Variants in UNC13C observed in about 807,000 individuals in gnomAD.
UNC13C encodes unc-13 homolog C.
A neutral mutation model predicts 245.4 loss-of-function variants in UNC13C; 174 were observed. The observed-to-expected ratio is 0.71, with a 90% confidence interval of 0.63 to 0.80. UNC13C has a LOEUF of 0.80. Among genes scored for constraint, UNC13C ranks in the 30% least tolerant of loss-of-function variants. The pLI is 0.00. For missense variants in UNC13C, 2,829 were observed against 2,602.9 expected (o/e 1.09, Z -1.89); for synonymous variants, 992 against 895.1 (o/e 1.11, Z -1.93).
chr15:54,380,701 C>T (rs2039705336), intron 17 of UNC13C, among the ~76,000 whole-genome samples: 1 of 152,104 alleles, frequency 6.6e-6, no homozygotes, highest in African/African-American at 2.4e-5. Context: ...TTGCATTTCC[C>T]TGATAATAAA....
At chr15:54,302,656 G>C (rs1035773128) in intron 13 of UNC13C, among the ~76,000 whole-genome samples, 13 of 152,144 alleles carry the variant, frequency 8.5e-5, no homozygotes, top group Non-Finnish European at 1.6e-4. Context: ...CTCTATATCT[G>C]TGTTGGTACC....
chr15:54,059,429 G>T (rs534530178), intron 2 of UNC13C, among the ~76,000 whole-genome samples: 1 of 152,186 alleles, frequency 6.6e-6, no homozygotes, highest in Admixed American at 6.5e-5. Context: ...ACCTCTTCAA[G>T]GAGAACTACA....
intron 2 of UNC13C, among the ~76,000 whole-genome samples, chr15:54,047,062 G>T (rs779821507): frequency 2.6e-5 from 4 of 151,770 alleles, no homozygotes; most frequent in Admixed American, 2.0e-4. Flanking sequence ...TTTTCTAAGC[G>T]GTATTTATTT....
At chr15:54,068,729 A>G (rs1406583240) in intron 2 of UNC13C, among the ~76,000 whole-genome samples, 2 of 152,196 alleles carry the variant, frequency 1.3e-5, no homozygotes, top group Non-Finnish European at 2.9e-5. Flanking sequence ...AAGCTGCACA[A>G]TACCATGGAT....
At chr15:54,412,908 G>T (rs754930420) in intron 18 of UNC13C, among the ~76,000 whole-genome samples, 3 of 152,180 alleles carry the variant, frequency 2.0e-5, no homozygotes, top group Non-Finnish European at 4.4e-5. Context: ...TTTAGCAGTA[G>T]GGTTTTGTAG....
the UNC13C span, among the ~76,000 whole-genome samples, chr15:53,839,332 T>TA: frequency 6.6e-6 from 1 of 152,222 alleles, no homozygotes; most frequent in East Asian, 1.9e-4. Context: ...ACTTCACAGT[T>TA]ACGTGTCTCT....
intron 2 of UNC13C, among the ~76,000 whole-genome samples, chr15:54,142,349 C>T (rs1288226757): frequency 1.3e-5 from 2 of 152,162 alleles, no homozygotes; most frequent in Admixed American, 6.6e-5. Context: ...TAAAGAGCAC[C>T]AGATGGGAGA....
chr15:54,466,411 G>A (rs762163378), intron 19 of UNC13C, among the ~76,000 whole-genome samples: 2 of 151,912 alleles, frequency 1.3e-5, no homozygotes, highest in African/African-American at 2.4e-5. Flanking sequence ...CACATAGTAT[G>A]CATGTATGAA....
intron 30 of UNC13C, among the ~76,000 whole-genome samples, chr15:54,584,695 C>G (rs1257466549): frequency 6.6e-6 from 1 of 152,232 alleles, no homozygotes; most frequent in Non-Finnish European, 1.5e-5. Flanking sequence ...TCTTCGTATT[C>G]ACTAAGAAAA....
rs1054611047 is a variant in UNC13C at position 54,003,677 on chromosome 15, C to T, written c.-256-8971C>T. Among the ~76,000 whole-genome samples, 3 of 152,204 alleles carry T rather than the reference C, an allele frequency of 2.0e-5. No individual in the cohort carries two copies. In the South Asian group the frequency reaches 6.2e-4, roughly 32 times the overall value. Reference sequence around the variant, plus strand: ...TTTATCCTTAGTATTACAAACAATCCAGTTATACTCATTTAGTATTTTAAA... The same window carrying T: ...TTTATCCTTAGTATTACAAACAATCTAGTTATACTCATTTAGTATTTTAAA... On this transcript the variant is annotated intron_variant, in intron 1 of 32. Coordinates refer to ENST00000260323, the MANE Select transcript of UNC13C (RefSeq NM_001080534.3).
At chr15:54,386,906 G>A (rs1216995746) in intron 17 of UNC13C, among the ~76,000 whole-genome samples, 6 of 152,142 alleles carry the variant, frequency 3.9e-5, no homozygotes, top group African/African-American at 1.4e-4. Context: ...TCTTGAGCTA[G>A]GGGAAGAGGA....
chr15:54,015,023 A>T lies in UNC13C; in HGVS notation c.2120A>T (p.Asp707Val). The T allele has an allele frequency of 6.2e-7, 1 of 1,613,458 alleles. No homozygotes were observed. Among genetic ancestry groups the T allele is most frequent in the Non-Finnish European group, 8.5e-7 (1 of 1,179,724 alleles). The stretch of plus-strand genomic sequence containing the variant: ...GGAAAGTGCCACAGTGATCTTCAAG[A>T]TGACTCAGAGAGCTACGACTTAACT... ...YLGKCHSDLQ[D>V]DSESYDLTQD... is the part of the protein sequence containing the mutation. The change falls in exon 2 of 33, where the codon GAT (aspartate) becomes GTT (valine). Residue 707 changes from aspartate (D) to valine (V), a missense_variant. Asp to Val is a radical substitution (Grantham distance 152). Transcript: ENST00000260323.
chr15:54,143,716 C>T (rs1214996425), intron 4 of UNC13C, 32 bp downstream of exon 4: 1 of 1,564,652 alleles, frequency 6.4e-7, no homozygotes, highest in Admixed American at 1.7e-5. Flanking sequence ...TAATTTATTC[C>T]ATTCATAGAT....
At chr15:54,036,324 G>C (rs1196307770) in intron 2 of UNC13C, among the ~76,000 whole-genome samples, 2 of 152,186 alleles carry the variant, frequency 1.3e-5, no homozygotes, top group East Asian at 3.9e-4. Flanking sequence ...TCATTCTGTA[G>C]TGCCCAGGGC....
intron 23 of UNC13C, among the ~76,000 whole-genome samples, chr15:54,509,228 C>A (rs904362878): frequency 6.6e-6 from 1 of 151,978 alleles, no homozygotes; most frequent in African/African-American, 2.4e-5. Flanking sequence ...AAAGATATGA[C>A]CAAAACATTT....
intron 2 of UNC13C, among the ~76,000 whole-genome samples, chr15:54,124,295 C>G (rs1416440432): frequency 6.6e-6 from 1 of 152,198 alleles, no homozygotes; most frequent in Non-Finnish European, 1.5e-5. Context: ...AGCATCCTCT[C>G]CACCATTTGG....
At position 54,418,195 on chromosome 15, in the gene UNC13C, A is replaced by G. The variant is rs548413118; in HGVS notation, c.4933+3128A>G. ...AATCCTTACCCAAAGGCTTTCTAATATATAACAATCTATTTTACATTAGCA... is the reference window on the plus strand; with the variant it reads ...AATCCTTACCCAAAGGCTTTCTAATGTATAACAATCTATTTTACATTAGCA... On this transcript the variant is annotated intron_variant, in intron 19 of 32. Transcript: ENST00000260323. Among the ~76,000 whole-genome samples the G allele has an allele frequency of 6.6e-5, 10 of 152,294 alleles. No individual in the cohort carries two copies. The East Asian group carries it at 1.5e-3, about 24-fold the overall frequency.
chr15:54,153,416 T>C (rs2032610982), intron 4 of UNC13C, among the ~76,000 whole-genome samples: 1 of 152,108 alleles, frequency 6.6e-6, no homozygotes, highest in Admixed American at 6.5e-5. Flanking sequence ...GTAGCAACTT[T>C]TGGAGGTAGG....
At chr15:54,243,292 T>C (rs1331709972) in intron 7 of UNC13C, among the ~76,000 whole-genome samples, 1 of 152,208 alleles carries the variant, frequency 6.6e-6, no homozygotes, top group Admixed American at 6.5e-5. Flanking sequence ...GCTCCATCCA[T>C]GTCCCTACAA....
Sources: gnomAD v4.1 joint callset for allele counts (sites outside exome capture counted in the v4.1 genomes callset) on GRCh38, gnomAD v4.1.1 for gene constraint, MANE v1.5 for transcripts, NCBI Gene and HGNC (gene_info 2026-07-23, HGNC 2026-07-21) for gene names.